Variants in NBPF11 observed in about 807,000 individuals in gnomAD.
The protein encoded by NBPF11 is NBPF family member NBPF11.
NBPF11 carries 72 observed loss-of-function variants against 93.9 expected under a neutral mutation model. That is an observed-to-expected ratio of 0.77 (90% confidence interval 0.63 to 0.93). The LOEUF (loss-of-function observed/expected upper bound fraction) is 0.93, where lower values mean the gene tolerates loss of function less well. Among genes scored for constraint, NBPF11 ranks in the 40% least tolerant of loss-of-function variants. NBPF11 has a pLI of 0.00. For synonymous variants in NBPF11, 224 were observed against 304.9 expected (o/e 0.73, Z 2.76); for missense variants, 705 against 802.2 (o/e 0.88, Z 1.46).
Position 148,151,988 on chromosome 1 carries a change from C to G in NBPF11, c.-787G>C, listed in dbSNP as rs1177466050. The G allele has an allele frequency of 6.6e-6, 1 of 152,294 alleles. No individual in the cohort carries two copies. The highest frequency in any genetic ancestry group is 1.9e-4 in the East Asian group (1 of 5,172). The allele number at this position is 152,294 out of a possible 1,614,324, so 9.4% of individuals were successfully genotyped here. On this transcript the variant is annotated 5_prime_UTR_variant, in exon 1 of 24. Transcript: ENST00000682118. ...TGCGGCCCGCTGGCTCCTCAGGGTCCGGATGGGCCGTGTCAGGAGAGCCCA... is the reference window on the plus strand; with the variant it reads ...TGCGGCCCGCTGGCTCCTCAGGGTCGGGATGGGCCGTGTCAGGAGAGCCCA...
intron 20 of NBPF11, 59 bp from the exon 21 acceptor site, chr1:148,106,291 G>A (rs1175748126): frequency 8.0e-6 from 5 of 624,780 alleles, no homozygotes; most frequent in Non-Finnish European, 1.1e-5. Flanking sequence ...ACCCATAACA[G>A]TCCACTGTCT....
chr1:148,134,891 G>T (rs1571481279), intron 4 of NBPF11, among the ~76,000 whole-genome samples: 1 of 151,984 alleles, frequency 6.6e-6, no homozygotes, highest in Admixed American at 6.5e-5. Context: ...CTGCTCATTT[G>T]TCCAGACAGA....
chr1:148,113,680 C>T (rs1318163192), intron 15 of NBPF11, among the ~76,000 whole-genome samples: 5 of 64,044 alleles, frequency 7.8e-5, no homozygotes, highest in African/African-American at 3.2e-4. Flanking sequence ...TTCTCAGCAT[C>T]ACATCACACT....
intron 16 of NBPF11, 65 bp from the exon 17 acceptor site, chr1:148,109,400 C>G (rs1376804128): frequency 1.1e-6 from 1 of 909,472 alleles, no homozygotes; most frequent in South Asian, 1.3e-5. Context: ...AGAAACATTC[C>G]TCTGTCCAAT....
intron 2 of NBPF11, among the ~76,000 whole-genome samples, chr1:148,141,900 A>T (rs1672224400): frequency 6.6e-6 from 1 of 151,488 alleles, no homozygotes; most frequent in South Asian, 2.1e-4. Flanking sequence ...ATTTCAGTGC[A>T]GTGTGGTCTA....
chr1:148,147,280 G>A (rs1163139454), intron 1 of NBPF11, among the ~76,000 whole-genome samples: 8 of 152,042 alleles, frequency 5.3e-5, no homozygotes, highest in Admixed American at 3.9e-4. Context: ...GGAGCCCATC[G>A]GCTGAGGCAG....
intron 1 of NBPF11, among the ~76,000 whole-genome samples, chr1:148,143,941 T>G (rs1672583944): frequency 6.8e-6 from 1 of 147,468 alleles, no homozygotes; most frequent in Admixed American, 6.7e-5. Flanking sequence ...ACACTTGCAC[T>G]CTCAGCTACT....
chr1:148,146,634 G>A, intron 1 of NBPF11: 1 of 1,611,430 alleles, frequency 6.2e-7, no homozygotes, highest in South Asian at 1.1e-5. Context: ...AGTACAGCCA[G>A]CGCGAGCTGG....
intron 1 of NBPF11, chr1:148,146,710 T>C: frequency 6.2e-7 from 1 of 1,611,940 alleles, no homozygotes; most frequent in Non-Finnish European, 8.5e-7. Context: ...GTATGTTCGC[T>C]GCGTGCCTGG....
At position 148,125,153 on chromosome 1, in the gene NBPF11, C is replaced by T. The variant is rs1307367016; in HGVS notation, c.176-152G>A. 1.5e-4 allele frequency among the ~76,000 whole-genome samples: 23 copies of T among 152,064 alleles called. No homozygotes were observed. In the East Asian group the frequency reaches 2.3e-3, roughly 15 times the overall value. On this transcript the variant is annotated intron_variant, in intron 5 of 23. Coordinates refer to ENST00000682118, the MANE Select transcript of NBPF11 (RefSeq NM_001385469.3). ...GATTTCCACATCTTTACTCTTCAGT[C>T]TTCTGACTTTCTGGCATCTGATCCT...
Position 148,120,668 on chromosome 1 carries a change from A to G in NBPF11, c.821T>C (p.Val274Ala). The G allele has an allele frequency of 1.3e-6, 2 of 1,536,940 alleles. No homozygotes were observed. The highest frequency in any genetic ancestry group is 2.2e-5 in the South Asian group (2 of 89,478). ...TSSATNVSMV[V>A]SAGPLSSEKA... ...CTCGCTGGACAAAGGGCCGGCTGATACCACCATGCTGACGTTTGTGGCAGA... is the reference window on the plus strand; with the variant it reads ...CTCGCTGGACAAAGGGCCGGCTGATGCCACCATGCTGACGTTTGTGGCAGA... Residue 274 changes from valine to alanine, a missense_variant, in exon 10 of 24, where the codon GTA (valine) becomes GCA (alanine). This residue lies in a region of NBPF11 where 262 missense variants were observed against 223.1 expected (regional missense o/e 1.17). Coordinates refer to ENST00000682118, the MANE Select transcript of NBPF11 (RefSeq NM_001385469.3).
At chr1:148,121,051 TG>T (rs1222051367) in intron 9 of NBPF11, among the ~76,000 whole-genome samples, 1 of 151,866 alleles carries the variant, frequency 6.6e-6, no homozygotes, top group Non-Finnish European at 1.5e-5. Flanking sequence ...TTTGGTTTTT[TG>T]TTTTCTGTTT....
At chr1:148,125,670 AATAG>A (rs1668947502) in intron 5 of NBPF11, among the ~76,000 whole-genome samples, 2 of 152,070 alleles carry the variant, frequency 1.3e-5, no homozygotes, top group South Asian at 2.1e-4. Flanking sequence ...ATGAAGAACT[AATAG>A]ATAGTGTTTA....
chr1:148,120,672 C>A lies in NBPF11; in HGVS notation c.817G>T (p.Val273Leu). The A allele has an allele frequency of 6.5e-7, 1 of 1,534,938 alleles. No homozygotes were observed. Among genetic ancestry groups the A allele is most frequent in the Non-Finnish European group, 9.0e-7 (1 of 1,110,096 alleles). Residue 273 changes from valine to leucine, a missense_variant, in exon 10 of 24, where the codon GTG becomes TTG. This residue lies in a region of NBPF11 where 262 missense variants were observed against 223.1 expected (regional missense o/e 1.17). Transcript: ENST00000682118. ...CTGGACAAAGGGCCGGCTGATACCA[C>A]CATGCTGACGTTTGTGGCAGAAGAG... ...PTSSATNVSM[V>L]VSAGPLSSEK...
chr1:148,149,528 C>T (rs1571503413), intron 1 of NBPF11: 4 of 1,593,910 alleles, frequency 2.5e-6, no homozygotes, highest in Non-Finnish European at 2.5e-6. Context: ...GCGCCTGCGT[C>T]GCTTCATCTC....
At chr1:148,147,300 C>A (rs1673324902) in intron 1 of NBPF11, among the ~76,000 whole-genome samples, 1 of 152,146 alleles carries the variant, frequency 6.6e-6, no homozygotes, top group African/African-American at 2.4e-5. Context: ...GCACTTGGGG[C>A]CAAGTGAGGC....
At chr1:148,131,179 A>G (rs1369829865) in intron 4 of NBPF11, among the ~76,000 whole-genome samples, 1 of 150,798 alleles carries the variant, frequency 6.6e-6, no homozygotes, top group Admixed American at 6.6e-5. Flanking sequence ...AAAAAAAAGA[A>G]GCCAGTGCCC....
chr1:148,108,405 G>T lies in NBPF11; in HGVS notation c.2026+77C>A, dbSNP rs1553267747. On this transcript the variant is annotated intron_variant, in intron 18 of 23. Transcript: ENST00000682118. ...GCAATGACATCTCTCAGCTCAGTAA[G>T]GGCCACTTGCAGTAGGAATATGACC... 32 of 923,190 alleles carry T rather than the reference G, an allele frequency of 3.5e-5. No homozygotes were observed. In the South Asian group the frequency reaches 3.8e-4, roughly 11 times the overall value. The allele number at this position is 923,190 out of a possible 1,614,324, so 57.2% of individuals were successfully genotyped here.
intron 5 of NBPF11, among the ~76,000 whole-genome samples, chr1:148,126,300 C>G (rs1433289566): frequency 6.6e-6 from 1 of 151,926 alleles, no homozygotes; most frequent in African/African-American, 2.4e-5. Context: ...TGCACGGCCC[C>G]TACTCCCTGC....
Sources: allele counts gnomAD v4.1 joint callset (sites outside exome capture counted in the v4.1 genomes callset), GRCh38; gene constraint gnomAD v4.1.1; regional missense constraint gnomAD v4.1.1; transcripts MANE v1.5; gene names NCBI Gene and HGNC (gene_info 2026-07-23, HGNC 2026-07-21).